Variants in GPC5 observed in about 807,000 individuals in gnomAD.
GPC5 encodes the protein glypican-5.
GPC5 carries 47 observed loss-of-function variants against 53.9 expected under a neutral mutation model. The observed-to-expected ratio is 0.87, with a 90% CI of 0.69 to 1.11. The LOEUF (loss-of-function observed/expected upper bound fraction) is 1.11. Among genes scored for constraint, GPC5 ranks in the 50% most tolerant of loss-of-function variants. GPC5 has a pLI of 0.00. For missense variants in GPC5, 748 were observed against 713.1 expected, an observed-to-expected ratio of 1.05 and a Z score of -0.56; for synonymous variants, 286 against 263.3, an observed-to-expected ratio of 1.09 and a Z score of -0.84.
intron 2 of GPC5, among the ~76,000 whole-genome samples, chr13:91,666,603 G>A (rs2035119356): frequency 6.6e-6 from 1 of 152,008 alleles, no homozygotes; most frequent in African/African-American, 2.4e-5. Flanking sequence ...AATTCAATAT[G>A]ATATGTCTTT....
intron 3 of GPC5, among the ~76,000 whole-genome samples, chr13:91,703,757 G>A (rs1255401915): frequency 6.6e-6 from 1 of 151,854 alleles, no homozygotes; most frequent in Non-Finnish European, 1.5e-5. Context: ...AAATTCAACT[G>A]TGGAGCCATT....
chr13:92,557,042 T>C (rs749615039), intron 7 of GPC5, among the ~76,000 whole-genome samples: 2 of 151,870 alleles, frequency 1.3e-5, no homozygotes, highest in Non-Finnish European at 1.5e-5. Context: ...ATAACAGGAT[T>C]GACTATGCTT....
intron 5 of GPC5, among the ~76,000 whole-genome samples, chr13:91,812,283 G>T (rs2038324626): frequency 6.6e-6 from 1 of 152,086 alleles, no homozygotes; most frequent in South Asian, 2.1e-4. Context: ...GTTAAGTTGT[G>T]CCCCTCTATA....
chr13:92,637,405 C>T (rs538065495), intron 7 of GPC5, among the ~76,000 whole-genome samples: 68 of 152,130 alleles, frequency 4.5e-4, no homozygotes, highest in African/African-American at 1.5e-3. Context: ...TGTGAGGAAA[C>T]GATCAAGGGC....
chr13:91,535,845 T>C (rs1348181110), intron 2 of GPC5, among the ~76,000 whole-genome samples: 1 of 152,114 alleles, frequency 6.6e-6, no homozygotes, highest in African/African-American at 2.4e-5. Flanking sequence ...CAGTAAATAT[T>C]AGTATTCACT....
rs182720131 is a variant in GPC5, at chr13:91,756,950, T to A, written c.1280+530T>A. ...AGACTATGTAATAGTGGGGGCACTTTTATATATATATATATATCTGTTTGA... is the reference window on the plus strand; with the variant it reads ...AGACTATGTAATAGTGGGGGCACTTATATATATATATATATATCTGTTTGA... On this transcript the variant is annotated intron_variant, in intron 5 of 7. Transcript: ENST00000377067. Among the ~76,000 whole-genome samples, 756 of 149,552 alleles carry A rather than the reference T, an allele frequency of 5.1e-3. 3 individuals are homozygous for A. Among genetic ancestry groups the A allele is most frequent in the Admixed American group, 8.2e-3 (123 of 14,964 alleles).
At chr13:91,818,951 A>G (rs2038444278) in intron 5 of GPC5, among the ~76,000 whole-genome samples, 1 of 152,004 alleles carries the variant, frequency 6.6e-6, no homozygotes, top group Admixed American at 6.6e-5. Context: ...CACACAGTGT[A>G]AAACATATAT....
At position 91,532,260 on chromosome 13, in the gene GPC5, G is replaced by A. The variant is rs552919591; in HGVS notation, c.325+83338G>A. Among the ~76,000 whole-genome samples the A allele has an allele frequency of 8.5e-5, 13 of 152,316 alleles. No individual in the cohort carries two copies. The East Asian group carries it at 2.3e-3, about 27-fold the overall frequency. On this transcript the variant is annotated intron_variant, in intron 2 of 7. Transcript: ENST00000377067. ...GTATTGAAAAGGGAAGCATTCAGCA[G>A]TTGGATAATCCAAATGCAGGAAGGT...
At chr13:92,010,007 A>T (rs1000196174) in intron 6 of GPC5, among the ~76,000 whole-genome samples, 3 of 152,232 alleles carry the variant, frequency 2.0e-5, no homozygotes, top group African/African-American at 7.2e-5. Context: ...TTGTATAGAT[A>T]TAAACAAAGG....
At chr13:91,586,413 T>A (rs1349499937) in intron 2 of GPC5, among the ~76,000 whole-genome samples, 1 of 143,600 alleles carries the variant, frequency 7.0e-6, no homozygotes, top group Non-Finnish European at 1.5e-5. Context: ...GAAAGAGCTT[T>A]AATTGACTGA....
intron 2 of GPC5, among the ~76,000 whole-genome samples, chr13:91,642,702 T>G (rs1440230054): frequency 2.4e-5 from 3 of 126,716 alleles, no homozygotes; most frequent in Admixed American, 9.3e-5. Context: ...GATGTCAAGT[T>G]TAAGGAAGAG....
chr13:92,143,983 G>A (rs762044793), intron 6 of GPC5, among the ~76,000 whole-genome samples: 8 of 152,034 alleles, frequency 5.3e-5, no homozygotes, highest in Non-Finnish European at 1.0e-4. Flanking sequence ...CTCACACTTG[G>A]CCATGTGCTC....
At chr13:91,522,447 A>G (rs904559502) in intron 2 of GPC5, among the ~76,000 whole-genome samples, 18 of 152,136 alleles carry the variant, frequency 1.2e-4, no homozygotes, top group African/African-American at 3.6e-4. Flanking sequence ...GTACAAATCA[A>G]TTATAGTTTT....
intron 2 of GPC5, among the ~76,000 whole-genome samples, chr13:91,505,592 A>G (rs1308167124): frequency 6.6e-6 from 1 of 152,206 alleles, no homozygotes; most frequent in Admixed American, 6.5e-5. Flanking sequence ...CACAAATCTG[A>G]CAACCAACAA....
intron 7 of GPC5, among the ~76,000 whole-genome samples, chr13:92,830,863 G>T: frequency 6.6e-6 from 1 of 152,190 alleles, no homozygotes; most frequent in South Asian, 2.1e-4. Context: ...TTGGAAAAGA[G>T]TTCTCTCAGA....
intron 7 of GPC5, among the ~76,000 whole-genome samples, chr13:92,726,536 C>T (rs191391839): frequency 6.6e-6 from 1 of 151,576 alleles, no homozygotes; most frequent in Admixed American, 6.6e-5. Flanking sequence ...AGACTACAGG[C>T]CCATGCCACC....
chr13:91,462,596 C>G (rs996410280), intron 2 of GPC5, among the ~76,000 whole-genome samples: 2 of 152,112 alleles, frequency 1.3e-5, no homozygotes, highest in African/African-American at 4.8e-5. Context: ...ATCTGTAAGA[C>G]ATTGTAGAGG....
At chr13:92,753,248 G>C (rs1180442532) in intron 7 of GPC5, among the ~76,000 whole-genome samples, 3 of 152,152 alleles carry the variant, frequency 2.0e-5, no homozygotes, top group African/African-American at 4.8e-5. Flanking sequence ...CACACGGCAG[G>C]GTACTCCAAC....
chr13:91,402,980 C>T (rs2138746576), intron 1 of GPC5, among the ~76,000 whole-genome samples: 1 of 152,334 alleles, frequency 6.6e-6, no homozygotes, highest in South Asian at 2.1e-4. Context: ...ACTGCCACAC[C>T]ACCGTTCTTC....
Sources: gnomAD v4.1 joint callset for allele counts (sites outside exome capture counted in the v4.1 genomes callset) on GRCh38, gnomAD v4.1.1 for gene constraint, MANE v1.5 for transcripts, NCBI Gene and HGNC (gene_info 2026-07-23, HGNC 2026-07-21) for gene names.